Variants in RASAL2 observed in about 807,000 individuals in gnomAD.
The protein encoded by RASAL2 is ras GTPase-activating protein nGAP.
RASAL2 carries 58 observed loss-of-function variants against 128.9 expected under a neutral mutation model. That is an observed-to-expected ratio of 0.45 (90% confidence interval 0.36 to 0.56). RASAL2 has a LOEUF of 0.56. Ranked by LOEUF, RASAL2 falls within the 20% of genes least tolerant of loss-of-function variation. The pLI, the probability that RASAL2 is intolerant of heterozygous loss-of-function variation, is 0.00. For synonymous variants in RASAL2, 561 were observed against 580.8 expected (o/e 0.97, Z 0.49); for missense variants, 1,360 against 1,601.6 (o/e 0.85, Z 2.57).
intron 5 of RASAL2, among the ~76,000 whole-genome samples, chr1:178,434,750 TC>T (rs1676145961): frequency 6.6e-6 from 1 of 151,390 alleles, no homozygotes; most frequent in Admixed American, 6.6e-5. Flanking sequence ...AGCTCTAATT[TC>T]TTTTTTTTTT....
At chr1:178,325,540 G>A (rs941795454) in intron 3 of RASAL2, among the ~76,000 whole-genome samples, 10 of 152,174 alleles carry the variant, frequency 6.6e-5, no homozygotes, top group African/African-American at 2.4e-4. Context: ...TACATTGGGT[G>A]TGACTTAAAA....
chr1:178,132,030 CCTT>C (rs1415541331), intron 1 of RASAL2, among the ~76,000 whole-genome samples: 3 of 151,816 alleles, frequency 2.0e-5, no homozygotes, highest in Non-Finnish European at 4.4e-5. Context: ...CCCTTCCCCT[CCTT>C]CTTCCCTTCC....
chr1:178,124,834 T>A (rs1659839725), intron 1 of RASAL2, among the ~76,000 whole-genome samples: 1 of 152,130 alleles, frequency 6.6e-6, no homozygotes, highest in South Asian at 2.1e-4. Context: ...TTTGGTTTTT[T>A]AAAAAAACAC....
intron 4 of RASAL2, chr1:178,411,831 T>A (rs879078046): frequency 2.1e-5 from 16 of 764,094 alleles, no homozygotes; most frequent in Middle Eastern, 4.6e-4. Flanking sequence ...CAGGTATCAC[T>A]GCCCTACACG....
rs1195808640 is a variant in RASAL2 at position 178,122,845 on chromosome 1, T to G, written c.202+28151T>G. 2.6e-5 allele frequency among the ~76,000 whole-genome samples: 4 copies of G among 152,194 alleles called. No homozygotes were observed. In the East Asian group the frequency reaches 7.7e-4, roughly 29 times the overall value. On this transcript the variant is annotated intron_variant, in intron 1 of 17. Coordinates refer to ENST00000367649, the MANE Select transcript of RASAL2 (RefSeq NM_170692.4). Reference sequence around the variant, plus strand: ...CTGTAATACTTACTTTCCATTTTTTTTTTTTTGCTCACACACTACTTTGGA... The same window carrying G: ...CTGTAATACTTACTTTCCATTTTTTGTTTTTTGCTCACACACTACTTTGGA...
intron 1 of RASAL2, among the ~76,000 whole-genome samples, chr1:178,191,998 A>T (rs1209224120): frequency 2.0e-5 from 3 of 152,170 alleles, no homozygotes; most frequent in Non-Finnish European, 2.9e-5. Context: ...TAGACACCTG[A>T]ACACATGCAT....
At chr1:178,151,795 A>G (rs1660923503) in intron 1 of RASAL2, among the ~76,000 whole-genome samples, 1 of 152,158 alleles carries the variant, frequency 6.6e-6, no homozygotes, top group African/African-American at 2.4e-5. Context: ...AAGAATTACA[A>G]ACTTCTGCCT....
intron 1 of RASAL2, among the ~76,000 whole-genome samples, chr1:178,253,899 G>C (rs568196444): frequency 1.1e-3 from 165 of 152,292 alleles, no homozygotes; most frequent in Admixed American, 4.1e-3. Flanking sequence ...TGATGGCTTA[G>C]CTTGGGCTCA....
chr1:178,295,404 T>A (rs1458364344), intron 2 of RASAL2, among the ~76,000 whole-genome samples: 1 of 151,844 alleles, frequency 6.6e-6, no homozygotes, highest in Non-Finnish European at 1.5e-5. Context: ...TGTCTGTTGT[T>A]CACCTCTCTG....
intron 16 of RASAL2, 133 bp from the exon 17 acceptor site, chr1:178,467,201 G>A: frequency 2.9e-6 from 2 of 690,042 alleles, no homozygotes; most frequent in East Asian, 2.7e-5. Context: ...TTATTCCAAG[G>A]TAGTAGAGAA....
rs765624218 is a variant in RASAL2 at position 178,457,661 on chromosome 1, A to T, written c.2391-22A>T. The T allele has an allele frequency of 6.2e-6, 10 of 1,600,786 alleles. No homozygotes were observed. The East Asian group carries it at 2.2e-4, about 36-fold the overall frequency. On this transcript the variant is annotated intron_variant, in intron 13 of 17. Transcript: ENST00000367649. The stretch of plus-strand genomic sequence containing the variant: ...GTTGAAGTTGTCTCAAGAGAAATTA[A>T]GTGTCCTTTCCTTTTCCACAGTGAT...
In RASAL2 at chr1:178,141,910, A is replaced by T. The variant is rs539699824; in HGVS notation, c.202+47216A>T. ...TGAAAGTGGGGTTTCCTTTAGAAAA[A>T]CCCCTATACGATGGGGCGTCAATAT... On this transcript the variant is annotated intron_variant, in intron 1 of 17. Transcript: ENST00000367649. 1.3e-4 allele frequency among the ~76,000 whole-genome samples: 20 copies of T among 151,976 alleles called. No homozygotes were observed. The East Asian group carries it at 2.7e-3, about 21-fold the overall frequency.
At chr1:178,435,231 A>C (rs1313493977) in intron 5 of RASAL2, among the ~76,000 whole-genome samples, 1 of 152,158 alleles carries the variant, frequency 6.6e-6, no homozygotes, top group East Asian at 1.9e-4. Context: ...TTTGGAACTT[A>C]ATCTGTAAAC....
In RASAL2 at chr1:178,370,337, C is replaced by T. The variant is rs568715235; in HGVS notation, c.458-19763C>T. On this transcript the variant is annotated intron_variant, in intron 3 of 17. Coordinates refer to ENST00000367649, the MANE Select transcript of RASAL2 (RefSeq NM_170692.4). ...TGTAATCCTGTAGGCTACTGATGTC[C>T]AATCCCAGAGCTCCAGGGATACTGG... Among the ~76,000 whole-genome samples, 7 of 152,240 alleles carry T rather than the reference C, an allele frequency of 4.6e-5. No individual in the cohort carries two copies. In the South Asian group the frequency reaches 1.5e-3, roughly 32 times the overall value.
chr1:178,422,846 A>G (rs1274412860), intron 5 of RASAL2, among the ~76,000 whole-genome samples: 1 of 152,018 alleles, frequency 6.6e-6, no homozygotes, highest in Non-Finnish European at 1.5e-5. Context: ...TTCCATTTTT[A>G]AATTATAAAG....
chr1:178,319,362 TCTC>T (rs1668639333), intron 3 of RASAL2, among the ~76,000 whole-genome samples: 1 of 151,924 alleles, frequency 6.6e-6, no homozygotes, highest in Non-Finnish European at 1.5e-5. Flanking sequence ...TTGGGGAAGT[TCTC>T]CTGGATAATA....
chr1:178,374,505 A>G (rs1671887568), intron 3 of RASAL2, among the ~76,000 whole-genome samples: 1 of 152,182 alleles, frequency 6.6e-6, no homozygotes, highest in Non-Finnish European at 1.5e-5. Context: ...ACTTCTGTAC[A>G]GTAACCACCT....
chr1:178,110,589 G>A (rs1034787466), intron 1 of RASAL2, among the ~76,000 whole-genome samples: 4 of 141,114 alleles, frequency 2.8e-5, no homozygotes, highest in Non-Finnish European at 6.1e-5. Flanking sequence ...GTATATATAT[G>A]CTATATATAC....
In RASAL2 at chr1:178,094,500, T is replaced by A; in HGVS notation, c.8T>A (p.Leu3His). 2 of 1,555,198 alleles carry A rather than the reference T, an allele frequency of 1.3e-6. No individual in the cohort carries two copies. The highest frequency in any genetic ancestry group is 2.4e-5 in the South Asian group (2 of 84,690). Residue 3 changes from leucine (L) to histidine (H), a missense_variant, in exon 1 of 18, where the codon CTC (leucine) becomes CAC (histidine). Physicochemically the swap from Leu to His is moderately conservative, Grantham distance 99 (BLOSUM62 -3). This residue lies in a region of RASAL2 where 617 missense variants were observed against 714.2 expected (regional missense o/e 0.86). Transcript: ENST00000367649. ME[L>H]SPSSGGAAEA... ...CTCCCGCCTCGGGGCACCATGGAGC[T>A]CTCTCCGTCGTCCGGAGGAGCCGCG...
Sources: allele counts gnomAD v4.1 joint callset (sites outside exome capture counted in the v4.1 genomes callset), GRCh38; gene constraint gnomAD v4.1.1; regional missense constraint gnomAD v4.1.1; transcripts MANE v1.5; gene names NCBI Gene and HGNC (gene_info 2026-07-23, HGNC 2026-07-21).